DYNC2I1: variants seen among roughly 807,000 people sequenced by gnomAD.
DYNC2I1 encodes cytoplasmic dynein 2 intermediate chain 1.
Under a neutral mutation model 133.4 loss-of-function variants are expected in DYNC2I1, and 89 were observed. The observed-to-expected ratio is 0.67, with a 90% CI of 0.56 to 0.80. The LOEUF (loss-of-function observed/expected upper bound fraction) is 0.80, where lower values mean the gene tolerates loss of function less well. Among genes scored for constraint, DYNC2I1 ranks in the 30% least tolerant of loss-of-function variants. DYNC2I1 has a pLI of 0.00. For missense variants in DYNC2I1, 1,291 were observed against 1,314.5 expected, an observed-to-expected ratio of 0.98 and a Z score of 0.28; for synonymous variants, 504 against 484.3, an observed-to-expected ratio of 1.04 and a Z score of -0.54.
intron 13 of DYNC2I1, among the ~76,000 whole-genome samples, chr7:158,913,775 C>G (rs1229630287): frequency 6.6e-6 from 1 of 152,126 alleles, no homozygotes; most frequent in East Asian, 1.9e-4. Flanking sequence ...GTGGCATGAT[C>G]TCAGCTCACT....
the DYNC2I1 span, among the ~76,000 whole-genome samples, chr7:158,841,206 TATATA>T: frequency 8.6e-5 from 5 of 58,124 alleles, no homozygotes; most frequent in South Asian, 4.7e-4. Flanking sequence ...TATATATATA[TATATA>T]TATATATATA....
chr7:158,897,109 G>A (rs556120446), intron 8 of DYNC2I1, among the ~76,000 whole-genome samples: 2 of 150,944 alleles, frequency 1.3e-5, no homozygotes, highest in East Asian at 3.9e-4. Flanking sequence ...TCAGCCTCCC[G>A]AGTAGCTGGG....
At chr7:158,955,700 G>T (rs545366956) in intron 4 of DYNC2I1, among the ~76,000 whole-genome samples, 1 of 152,292 alleles carries the variant, frequency 6.6e-6, no homozygotes, top group South Asian at 2.1e-4. Context: ...TATTTTCCAT[G>T]GGACAGGGCC....
At chr7:158,950,177 C>T (rs1852013066), downstream of DYNC2I1, among the ~76,000 whole-genome samples, 1 of 152,242 alleles carries the variant, frequency 6.6e-6, no homozygotes, top group Admixed American at 6.5e-5. Context: ...GATTCTCGTG[C>T]TCCAGCCTCC....
downstream of DYNC2I1, among the ~76,000 whole-genome samples, chr7:158,949,035 A>G (rs1053487963): frequency 5.9e-5 from 9 of 152,154 alleles, no homozygotes; most frequent in African/African-American, 2.2e-4. Context: ...ATGGCACAGA[A>G]CCGGGCAGCC....
downstream of DYNC2I1, among the ~76,000 whole-genome samples, chr7:158,948,760 C>T (rs1402905828): frequency 2.0e-5 from 3 of 152,156 alleles, no homozygotes; most frequent in Admixed American, 6.5e-5. Flanking sequence ...AAACTGGAGT[C>T]AAGAGGGGGG....
the DYNC2I1 span, among the ~76,000 whole-genome samples, chr7:158,842,635 C>T: frequency 6.6e-6 from 1 of 152,240 alleles, no homozygotes; most frequent in Admixed American, 6.5e-5. Context: ...TTCCTGTCTT[C>T]CTTTTCGCTC....
intron 21 of DYNC2I1, among the ~76,000 whole-genome samples, chr7:158,933,206 G>A (rs948796019): frequency 6.6e-6 from 1 of 152,174 alleles, no homozygotes; most frequent in Admixed American, 6.5e-5. Context: ...GCATCTCTCT[G>A]TTACAAATAC....
At chr7:158,884,437 GGTACTT>G (rs1320105308) in intron 5 of DYNC2I1, 121 bp from the exon 6 acceptor site, 2 of 665,998 alleles carry the variant, frequency 3.0e-6, no homozygotes, top group Admixed American at 3.5e-5. Flanking sequence ...TATTTTAAAA[GGTACTT>G]GTGATGTACA....
chr7:158,955,230 C>T (rs566230631), intron 4 of DYNC2I1, among the ~76,000 whole-genome samples: 2 of 152,340 alleles, frequency 1.3e-5, no homozygotes, highest in Non-Finnish European at 2.9e-5. Flanking sequence ...CGTCTCTGCC[C>T]AGGCTGGTGC....
intron 4 of DYNC2I1, 116 bp from the exon 5 acceptor site, chr7:158,879,568 A>T: frequency 8.9e-7 from 1 of 1,127,010 alleles, no homozygotes; most frequent in Non-Finnish European, 1.2e-6. Context: ...ATTTTCTTCA[A>T]ATGTTTTTGA....
Position 158,945,599 on chromosome 7 carries a change from G to T in DYNC2I1, c.3021G>T (p.Ala1007=). The T allele has an allele frequency of 1.9e-6, 3 of 1,606,858 alleles. No individual in the cohort carries two copies. The South Asian group carries it at 3.3e-5, about 18-fold the overall frequency. Residue 1007 remains alanine (A), a synonymous_variant, in exon 25 of 25, where the codon GCG becomes GCT. Coordinates refer to ENST00000407559, the MANE Select transcript of DYNC2I1 (RefSeq NM_018051.5). The surrounding 1 kb of genome is among the most constrained non-coding windows in gnomAD (Gnocchi z 4.1). The part of the protein sequence containing the change: ...VSPNRLVAMA[A]VGEPEKAGGS... ...CCTGCAGGCTGGTGGCCATGGCTGC[G>T]GTGGGTGAGCCTGAGAAGGCTGGTG...
At chr7:158,919,357 C>T (rs1186660554) in intron 15 of DYNC2I1, among the ~76,000 whole-genome samples, 5 of 152,168 alleles carry the variant, frequency 3.3e-5, no homozygotes, top group Admixed American at 6.6e-5. Context: ...GAACATAAAA[C>T]GGGAAGCAAA....
At chr7:158,887,769 A>G (rs961192924) in intron 7 of DYNC2I1, among the ~76,000 whole-genome samples, 2 of 152,206 alleles carry the variant, frequency 1.3e-5, no homozygotes, top group African/African-American at 4.8e-5. Flanking sequence ...GACACTTGTT[A>G]CTAACACACA....
At chr7:158,957,755 G>T (rs1199934974), downstream of DYNC2I1, among the ~76,000 whole-genome samples, 1 of 152,146 alleles carries the variant, frequency 6.6e-6, no homozygotes, top group Non-Finnish European at 1.5e-5. Context: ...GCACTCGTGA[G>T]GTCCACCGCC....
At chr7:158,894,290 A>G (rs1008979202) in intron 8 of DYNC2I1, among the ~76,000 whole-genome samples, 2 of 152,176 alleles carry the variant, frequency 1.3e-5, no homozygotes, top group Admixed American at 6.6e-5. Flanking sequence ...GTCCTACTGC[A>G]TATCATACTG....
At chr7:158,855,006 A>G (rs1393060462), upstream of DYNC2I1, among the ~76,000 whole-genome samples, 1 of 152,234 alleles carries the variant, frequency 6.6e-6, no homozygotes. Context: ...GCAAAGCAAC[A>G]GCTGTGCATT....
At chr7:158,862,307 G>T (rs1286259125) in intron 1 of DYNC2I1, among the ~76,000 whole-genome samples, 1 of 151,946 alleles carries the variant, frequency 6.6e-6, no homozygotes, top group Admixed American at 6.6e-5. Context: ...ACGAATCAGG[G>T]GACGATTACA....
intron 10 of DYNC2I1, 132 bp downstream of exon 10, chr7:158,902,727 G>C: frequency 1.3e-6 from 1 of 798,032 alleles, no homozygotes; most frequent in African/African-American, 1.7e-5. Flanking sequence ...CATGCTGGTG[G>C]TGCCATGCCC....
Sources: allele counts gnomAD v4.1 joint callset (sites outside exome capture counted in the v4.1 genomes callset), GRCh38; gene constraint gnomAD v4.1.1; non-coding constraint Gnocchi (gnomAD v3.1); transcripts MANE v1.5; gene names NCBI Gene and HGNC (gene_info 2026-07-23, HGNC 2026-07-21).